RSPO2: variants seen among roughly 807,000 people sequenced by gnomAD.
RSPO2 encodes R-spondin 2.
RSPO2 carries 14 observed loss-of-function variants against 30.9 expected under a neutral mutation model. The observed-to-expected ratio is 0.45, with a 90% CI of 0.30 to 0.71. The LOEUF (loss-of-function observed/expected upper bound fraction) is 0.71, where lower values mean the gene tolerates loss of function less well. RSPO2 is among the 30% of genes least tolerant of loss of function. RSPO2 has a pLI of 0.08. For missense variants in RSPO2, 264 were observed against 301.9 expected, an observed-to-expected ratio of 0.87 and a Z score of 0.93; for synonymous variants, 107 against 96.4, an observed-to-expected ratio of 1.11 and a Z score of -0.64.
intron 5 of RSPO2, among the ~76,000 whole-genome samples, chr8:107,915,210 A>G (rs1811942373): frequency 6.6e-6 from 1 of 152,218 alleles, no homozygotes; most frequent in South Asian, 2.1e-4. Flanking sequence ...CTAACAAATT[A>G]CAAATATCCT....
At chr8:108,012,646 G>A (rs1427790338) in intron 2 of RSPO2, among the ~76,000 whole-genome samples, 2 of 152,274 alleles carry the variant, frequency 1.3e-5, no homozygotes, top group African/African-American at 4.8e-5. Context: ...ATATGTAAGA[G>A]AAATTCCAAA....
At chr8:107,966,509 A>G (rs2130457867) in intron 3 of RSPO2, among the ~76,000 whole-genome samples, 1 of 152,320 alleles carries the variant, frequency 6.6e-6, no homozygotes, top group South Asian at 2.1e-4. Context: ...AAGACAGTAG[A>G]GGTCAGGAAA....
At chr8:107,901,294 A>G in intron 5 of RSPO2, 104 bp from the exon 6 acceptor site, 2 of 1,277,230 alleles carry the variant, frequency 1.6e-6, no homozygotes, top group South Asian at 1.5e-5. Context: ...TCTGGAAAAC[A>G]TCACCTATGG....
At chr8:108,070,890 T>A (rs1812825311) in intron 2 of RSPO2, among the ~76,000 whole-genome samples, 1 of 152,234 alleles carries the variant, frequency 6.6e-6, no homozygotes, top group African/African-American at 2.4e-5. Flanking sequence ...TTCCTCTTCA[T>A]AAAATACTTT....
intron 2 of RSPO2, chr8:108,081,908 G>A (rs1813211975): frequency 1.0e-6 from 1 of 985,388 alleles, no homozygotes; most frequent in Non-Finnish European, 1.2e-6. Flanking sequence ...CGCGGGAATT[G>A]CTGCTTAATT....
chr8:107,983,742 C>T (rs1215668120), intron 3 of RSPO2: 1 of 1,594,154 alleles, frequency 6.3e-7, no homozygotes, highest in South Asian at 1.1e-5. Context: ...TCTAAAAGGT[C>T]CAATAGAAAA....
chr8:107,982,791 C>A (rs1297976477), intron 3 of RSPO2, among the ~76,000 whole-genome samples: 1 of 152,256 alleles, frequency 6.6e-6, no homozygotes, highest in East Asian at 1.9e-4. Flanking sequence ...TCTCCGCAAG[C>A]CTTCCCATTC....
At chr8:107,907,112 T>A (rs1811672858) in intron 5 of RSPO2, among the ~76,000 whole-genome samples, 1 of 152,016 alleles carries the variant, frequency 6.6e-6, no homozygotes, top group Non-Finnish European at 1.5e-5. Flanking sequence ...TATTTTTATT[T>A]TACTTATTTA....
In RSPO2 at chr8:107,962,329, T is replaced by C. The variant is rs888704045; in HGVS notation, c.284-1512A>G. ...ATAGATCACATAAGAAATAACTGTG[T>C]CTAGACCTATTAAAAATGCCAACTC... On this transcript the variant is annotated intron_variant, in intron 3 of 5. Coordinates refer to ENST00000276659, the MANE Select transcript of RSPO2 (RefSeq NM_178565.5). Among the ~76,000 whole-genome samples the C allele has an allele frequency of 9.2e-5, 14 of 152,296 alleles. 1 individual carries two copies. In the Middle Eastern group the frequency reaches 0.01, roughly 111 times the overall value.
intron 5 of RSPO2, among the ~76,000 whole-genome samples, chr8:107,937,660 C>T (rs1331277923): frequency 6.6e-6 from 1 of 151,450 alleles, no homozygotes; most frequent in African/African-American, 2.4e-5. Context: ...AAGTGGAGCC[C>T]CAAGGTGGTG....
chr8:107,998,284 C>T (rs1410943654), intron 2 of RSPO2, among the ~76,000 whole-genome samples: 1 of 151,740 alleles, frequency 6.6e-6, no homozygotes, highest in Admixed American at 6.6e-5. Flanking sequence ...ACTTGCATGT[C>T]GGATGCTATA....
At chr8:108,039,075 T>C (rs948868650) in intron 2 of RSPO2, among the ~76,000 whole-genome samples, 1 of 152,180 alleles carries the variant, frequency 6.6e-6, no homozygotes. Flanking sequence ...TCTTCTAGTG[T>C]ATATGACAAC....
chr8:107,954,824 T>C (rs1429627269), intron 5 of RSPO2, among the ~76,000 whole-genome samples: 2 of 152,094 alleles, frequency 1.3e-5, no homozygotes, highest in Non-Finnish European at 2.9e-5. Flanking sequence ...TTGGCCAGGA[T>C]GGTCTCGATT....
chr8:107,976,153 A>G (rs1047907929), intron 3 of RSPO2, among the ~76,000 whole-genome samples: 1 of 152,248 alleles, frequency 6.6e-6, no homozygotes, highest in Non-Finnish European at 1.5e-5. Context: ...ACCACTTCAA[A>G]GTGAAGACCT....
chr8:108,020,381 A>G (rs1197669406), intron 2 of RSPO2, among the ~76,000 whole-genome samples: 2 of 152,132 alleles, frequency 1.3e-5, no homozygotes, highest in East Asian at 1.9e-4. Context: ...AATCACCAGG[A>G]TTTCTTTAAA....
chr8:107,927,295 G>C (rs1447887311), intron 5 of RSPO2, among the ~76,000 whole-genome samples: 3 of 152,064 alleles, frequency 2.0e-5, no homozygotes, highest in Non-Finnish European at 4.4e-5. Context: ...GGAGATTTTG[G>C]GCTGAGAAGA....
At chr8:108,006,932 A>T (rs1815471514) in intron 2 of RSPO2, among the ~76,000 whole-genome samples, 1 of 152,218 alleles carries the variant, frequency 6.6e-6, no homozygotes, top group South Asian at 2.1e-4. Flanking sequence ...AGTAAATTGC[A>T]GACATCGCAG....
At chr8:107,988,282 A>T (rs1224886388) in intron 3 of RSPO2, among the ~76,000 whole-genome samples, 1 of 150,946 alleles carries the variant, frequency 6.6e-6, no homozygotes, top group Non-Finnish European at 1.5e-5. Flanking sequence ...AATGGTACTT[A>T]AAAAAAAACA....
intron 2 of RSPO2, among the ~76,000 whole-genome samples, chr8:108,051,603 GA>G (rs1812082102): frequency 6.6e-6 from 1 of 152,208 alleles, no homozygotes; most frequent in Non-Finnish European, 1.5e-5. Flanking sequence ...AAGACATTGT[GA>G]AAGGACAAGT....
Sources: allele counts gnomAD v4.1 joint callset (sites outside exome capture counted in the v4.1 genomes callset), GRCh38; gene constraint gnomAD v4.1.1; transcripts MANE v1.5; gene names NCBI Gene and HGNC (gene_info 2026-07-23, HGNC 2026-07-21).